VIT: variants seen among roughly 807,000 people sequenced by gnomAD.
VIT encodes the protein vitrin.
VIT carries 99 observed loss-of-function variants against 78.0 expected under a neutral mutation model. The observed-to-expected ratio is 1.27, with a 90% CI of 1.08 to 1.50. The LOEUF is 1.50. VIT is among the 40% of genes most tolerant of loss of function. The pLI, the probability that VIT is intolerant of heterozygous loss-of-function variation, is 0.00. For synonymous variants in VIT, 374 were observed against 334.3 expected (o/e 1.12, Z -1.29); for missense variants, 1,126 against 875.3 (o/e 1.29, Z -3.61).
At chr2:36,714,392 G>A (rs1267945671) in intron 1 of VIT, among the ~76,000 whole-genome samples, 9 of 152,150 alleles carry the variant, frequency 5.9e-5, no homozygotes, top group Non-Finnish European at 2.9e-5. Flanking sequence ...AATCAGCCAT[G>A]GTAGGAGGAT....
intron 12 of VIT, among the ~76,000 whole-genome samples, chr2:36,793,445 G>A (rs1482691115): frequency 6.6e-6 from 1 of 152,194 alleles, no homozygotes; most frequent in East Asian, 1.9e-4. Flanking sequence ...GGCCCAGGAC[G>A]CTGCACCCTG....
At chr2:36,724,677 CTT>C (rs934040852) in intron 2 of VIT, among the ~76,000 whole-genome samples, 1 of 152,172 alleles carries the variant, frequency 6.6e-6, no homozygotes, top group Non-Finnish European at 1.5e-5. Context: ...AAGATAATGA[CTT>C]TATTAATTAC....
At chr2:36,809,077 A>G in intron 15 of VIT, 92 bp downstream of exon 15, 1 of 1,477,150 alleles carries the variant, frequency 6.8e-7, no homozygotes, top group South Asian at 1.4e-5. Flanking sequence ...CTTTTTATGC[A>G]TTGGTTTTTT....
intron 1 of VIT, among the ~76,000 whole-genome samples, chr2:36,705,948 C>T (rs1375322865): frequency 6.6e-6 from 1 of 152,214 alleles, no homozygotes; most frequent in Non-Finnish European, 1.5e-5. Context: ...GCATCCCCCT[C>T]TCTTGTCAAA....
At chr2:36,799,994 G>A (rs918764463) in intron 12 of VIT, among the ~76,000 whole-genome samples, 3 of 149,202 alleles carry the variant, frequency 2.0e-5, no homozygotes, top group Non-Finnish European at 4.4e-5. Flanking sequence ...ACTGCAGTGA[G>A]CCAAGATCGA....
chr2:36,807,134 G>T (rs541835741), intron 14 of VIT, among the ~76,000 whole-genome samples: 17 of 152,128 alleles, frequency 1.1e-4, no homozygotes, highest in African/African-American at 4.1e-4. Context: ...GTTCAAGCTG[G>T]TACCCTCCAT....
chr2:36,756,363 C>T (rs888002525), intron 5 of VIT, among the ~76,000 whole-genome samples: 1 of 152,166 alleles, frequency 6.6e-6, no homozygotes, highest in African/African-American at 2.4e-5. Flanking sequence ...TAGCCAACTT[C>T]CTGGCCTCCC....
At chr2:36,793,560 G>C (rs1450333537) in intron 12 of VIT, among the ~76,000 whole-genome samples, 1 of 152,216 alleles carries the variant, frequency 6.6e-6, no homozygotes, top group Non-Finnish European at 1.5e-5. Flanking sequence ...CAAGTCTGCA[G>C]CCACTGTCGT....
chr2:36,716,965 C>T (rs984609668), intron 2 of VIT, among the ~76,000 whole-genome samples: 3 of 149,280 alleles, frequency 2.0e-5, no homozygotes, highest in Non-Finnish European at 4.4e-5. Context: ...CAACCTCTGC[C>T]TCCCAGGGTC....
intron 6 of VIT, chr2:36,759,434 G>T: frequency 7.9e-7 from 1 of 1,267,950 alleles, no homozygotes; most frequent in Non-Finnish European, 1.0e-6. Flanking sequence ...CAAAGAGAAC[G>T]AGGTGGTTTA....
intron 12 of VIT, among the ~76,000 whole-genome samples, chr2:36,794,894 T>C (rs965764641): frequency 6.6e-6 from 1 of 152,208 alleles, no homozygotes; most frequent in African/African-American, 2.4e-5. Context: ...TCATTCATTA[T>C]ATGAGTAGCT....
intron 9 of VIT, 76 bp from the exon 10 acceptor site, chr2:36,781,651 C>A: frequency 6.5e-7 from 1 of 1,534,794 alleles, no homozygotes; most frequent in Non-Finnish European, 9.0e-7. Flanking sequence ...ACCTTATCAT[C>A]CCGGCAATTC....
chr2:36,753,516 A>T (rs571050697), intron 4 of VIT, among the ~76,000 whole-genome samples: 1 of 152,370 alleles, frequency 6.6e-6, no homozygotes, highest in African/African-American at 2.4e-5. Context: ...AGGAAGTAGT[A>T]CAAGACGGAA....
chr2:36,746,167 C>T (rs953278997), intron 4 of VIT, among the ~76,000 whole-genome samples: 1 of 151,938 alleles, frequency 6.6e-6, no homozygotes, highest in South Asian at 2.1e-4. Context: ...TACTTGATTG[C>T]GGTGAATTAG....
At chr2:36,717,302 G>C (rs1666210004) in intron 2 of VIT, among the ~76,000 whole-genome samples, 1 of 148,120 alleles carries the variant, frequency 6.8e-6, no homozygotes, top group African/African-American at 2.5e-5. Flanking sequence ...CCTCAGCCTG[G>C]GACTACAGGC....
At chr2:36,702,735 C>G (rs1169284990) in intron 1 of VIT, among the ~76,000 whole-genome samples, 2 of 152,166 alleles carry the variant, frequency 1.3e-5, no homozygotes, top group African/African-American at 4.8e-5. Context: ...CATCCAGGTT[C>G]CCTGAGCTTC....
At chr2:36,765,024 A>G (rs1359424347) in intron 6 of VIT, among the ~76,000 whole-genome samples, 1 of 152,050 alleles carries the variant, frequency 6.6e-6, no homozygotes, top group African/African-American at 2.4e-5. Flanking sequence ...GGTAGGCTGA[A>G]AAACACCCTG....
chr2:36,797,155 A>G (rs1416099246), intron 12 of VIT, among the ~76,000 whole-genome samples: 2 of 151,088 alleles, frequency 1.3e-5, no homozygotes, highest in African/African-American at 2.4e-5. Flanking sequence ...CTAGAGGAAG[A>G]TCCAGACTTT....
intron 6 of VIT, among the ~76,000 whole-genome samples, chr2:36,763,658 C>T (rs943012441): frequency 1.5e-5 from 2 of 137,490 alleles, no homozygotes; most frequent in Non-Finnish European, 3.0e-5. Context: ...GGCTCGATCT[C>T]GGCTCTCCAC....
Sources: gnomAD v4.1 joint callset for allele counts (sites outside exome capture counted in the v4.1 genomes callset) on GRCh38, gnomAD v4.1.1 for gene constraint, MANE v1.5 for transcripts, NCBI Gene and HGNC (gene_info 2026-07-23, HGNC 2026-07-21) for gene names.